Variants in MTSS1 observed in about 807,000 individuals in gnomAD.
The protein encoded by MTSS1 is protein MTSS 1.
In MTSS1, 18 loss-of-function variants were observed where a neutral mutation model predicts 79.0. That is an observed-to-expected ratio of 0.23 (90% CI 0.16 to 0.34). The LOEUF (loss-of-function observed/expected upper bound fraction) is 0.34, where lower values mean the gene tolerates loss of function less well. Ranked by LOEUF, MTSS1 falls within the 10% of genes least tolerant of loss-of-function variation. MTSS1 has a pLI of 1.00. For synonymous variants in MTSS1, 341 were observed against 368.6 expected (o/e 0.93, Z 0.86); for missense variants, 815 against 986.2 (o/e 0.83, Z 2.33).
chr8:124,574,466 C>T (rs915377788), intron 6 of MTSS1, among the ~76,000 whole-genome samples: 4 of 152,198 alleles, frequency 2.6e-5, no homozygotes, highest in Non-Finnish European at 5.9e-5. Flanking sequence ...AAGCCAGCCA[C>T]GGGCACAGCT....
At chr8:124,681,584 T>G (rs1826137054) in intron 3 of MTSS1, among the ~76,000 whole-genome samples, 1 of 152,118 alleles carries the variant, frequency 6.6e-6, no homozygotes, top group Admixed American at 6.5e-5. Flanking sequence ...GGTCAGGAGT[T>G]CAAGACCAGC....
chr8:124,608,456 G>A (rs1445613827), intron 3 of MTSS1, among the ~76,000 whole-genome samples: 5 of 152,120 alleles, frequency 3.3e-5, no homozygotes, highest in South Asian at 2.1e-4. Flanking sequence ...CGCCTCCTCC[G>A]ACAAGGTCAT....
chr8:124,616,307 G>C (rs934065272), intron 3 of MTSS1, among the ~76,000 whole-genome samples: 3 of 150,034 alleles, frequency 2.0e-5, no homozygotes, highest in Non-Finnish European at 4.4e-5. Context: ...CCTTGACCCA[G>C]GCATCTTCTC....
intron 3 of MTSS1, among the ~76,000 whole-genome samples, chr8:124,625,922 C>T (rs928602404): frequency 6.6e-6 from 1 of 152,210 alleles, no homozygotes; most frequent in Non-Finnish European, 1.5e-5. Context: ...TCTCCCTCCC[C>T]TCTCAGTTGG....
At chr8:124,612,352 C>A (rs1445968656) in intron 3 of MTSS1, among the ~76,000 whole-genome samples, 2 of 152,202 alleles carry the variant, frequency 1.3e-5, no homozygotes, top group East Asian at 1.9e-4. Flanking sequence ...ACTGCACATG[C>A]CCACAGGAAA....
At chr8:124,658,679 G>C (rs1220036238) in intron 3 of MTSS1, among the ~76,000 whole-genome samples, 1 of 152,134 alleles carries the variant, frequency 6.6e-6, no homozygotes, top group Non-Finnish European at 1.5e-5. Context: ...AGACAGAAGG[G>C]GGAGGTGCCA....
At position 124,551,811 on chromosome 8, in the gene MTSS1, T is replaced by G. The variant is rs779184807; in HGVS notation, c.*1181A>C. On this transcript the variant is annotated 3_prime_UTR_variant, in exon 14 of 14. Coordinates refer to ENST00000518547, the MANE Select transcript of MTSS1 (RefSeq NM_014751.6). ...CAGATTCCCAGTGACAATAAACAAATCCTCCTCTCTTCAATGTTTACTGTA... is the reference window on the plus strand; with the variant it reads ...CAGATTCCCAGTGACAATAAACAAAGCCTCCTCTCTTCAATGTTTACTGTA... The G allele has an allele frequency of 1.6e-4, 24 of 152,506 alleles. No individual in the cohort carries two copies. The highest frequency in any genetic ancestry group is 2.6e-4 in the Non-Finnish European group (18 of 68,014). The allele number at this position is 152,506 out of a possible 1,614,324, so 9.4% of individuals were successfully genotyped here. A position where few individuals can be genotyped will look rare whatever the true frequency, so the allele number is the denominator to read the frequency against.
chr8:124,558,164 T>G (rs193033906), intron 10 of MTSS1, among the ~76,000 whole-genome samples: 190 of 152,326 alleles, frequency 1.2e-3, no homozygotes, highest in Admixed American at 3.5e-3. Flanking sequence ...TGTCAATGGT[T>G]TTTGATAATG....
intron 6 of MTSS1, among the ~76,000 whole-genome samples, chr8:124,578,590 T>G (rs1370741224): frequency 7.1e-6 from 1 of 139,894 alleles, no homozygotes; most frequent in African/African-American, 2.7e-5. Context: ...AGGTCAGGAG[T>G]TCAAGACCAT....
intron 3 of MTSS1, among the ~76,000 whole-genome samples, chr8:124,640,007 GA>G (rs757608077): frequency 5.9e-5 from 9 of 152,328 alleles, no homozygotes; most frequent in Non-Finnish European, 1.2e-4. Context: ...CCTACTATGT[GA>G]AAGGTGCTTT....
At chr8:124,583,980 T>G (rs531639517) in intron 6 of MTSS1, among the ~76,000 whole-genome samples, 215 of 152,342 alleles carry the variant, frequency 1.4e-3, no homozygotes, top group African/African-American at 5.0e-3. Flanking sequence ...AAGAAACTGC[T>G]GGGGCCAATG....
intron 3 of MTSS1, among the ~76,000 whole-genome samples, chr8:124,657,489 A>G (rs1821177740): frequency 1.3e-5 from 2 of 151,924 alleles, no homozygotes; most frequent in Non-Finnish European, 1.5e-5. Flanking sequence ...AAAAAAAAAA[A>G]AAGAAGAGGA....
chr8:124,581,462 A>T (rs10105731), intron 6 of MTSS1, among the ~76,000 whole-genome samples: 8,330 of 86,364 alleles, frequency 0.096, 747 homozygotes, highest in African/African-American at 0.32. Flanking sequence ...GAATTTTTTT[A>T]TTTTTTTTTT....
intron 3 of MTSS1, among the ~76,000 whole-genome samples, chr8:124,604,311 C>A (rs1834434058): frequency 6.6e-6 from 1 of 152,136 alleles, no homozygotes. Context: ...TCCTGGGGCG[C>A]ATGGGGCCAA....
At chr8:124,716,923 A>G (rs1252659620) in intron 1 of MTSS1, among the ~76,000 whole-genome samples, 3 of 152,048 alleles carry the variant, frequency 2.0e-5, no homozygotes, top group Non-Finnish European at 4.4e-5. Context: ...AAGGATAAAA[A>G]GTCCTTCGGG....
chr8:124,667,030 T>C (rs149055748), intron 3 of MTSS1, among the ~76,000 whole-genome samples: 1 of 152,232 alleles, frequency 6.6e-6, no homozygotes, highest in East Asian at 1.9e-4. Context: ...TCTCACTAGT[T>C]ATATAAAAAG....
intron 3 of MTSS1, among the ~76,000 whole-genome samples, chr8:124,658,805 T>C (rs887615531): frequency 2.0e-5 from 3 of 152,024 alleles, no homozygotes; most frequent in Non-Finnish European, 2.9e-5. Context: ...CCAGGCCCCA[T>C]CTCCAACACT....
At position 124,551,930 on chromosome 8, in the gene MTSS1, C is replaced by T. The variant is rs1031874793; in HGVS notation, c.*1062G>A. The T allele has an allele frequency of 1.3e-5, 2 of 152,662 alleles. No individual in the cohort carries two copies. Among genetic ancestry groups the T allele is most frequent in the African/African-American group, 2.4e-5 (1 of 41,468 alleles). The allele number at this position is 152,662 out of a possible 1,614,324, so 9.5% of individuals were successfully genotyped here. Reference sequence around the variant, plus strand: ...GGCAAGTTGCTAGACTCCAAGCTGGCTACCCTTGTCAAATCTGTTCGAGTT... The same window carrying T: ...GGCAAGTTGCTAGACTCCAAGCTGGTTACCCTTGTCAAATCTGTTCGAGTT... On this transcript the variant is annotated 3_prime_UTR_variant, in exon 14 of 14. Coordinates refer to ENST00000518547, the MANE Select transcript of MTSS1 (RefSeq NM_014751.6).
chr8:124,589,735 A>C (rs1480064012), intron 4 of MTSS1, 24 bp from the exon 5 acceptor site: 3 of 1,473,750 alleles, frequency 2.0e-6, no homozygotes, highest in African/African-American at 1.4e-5. Context: ...GGGGGGAAAA[A>C]GGGAGAAATT....
Sources: allele counts gnomAD v4.1 joint callset (sites outside exome capture counted in the v4.1 genomes callset), GRCh38; gene constraint gnomAD v4.1.1; transcripts MANE v1.5; gene names NCBI Gene and HGNC (gene_info 2026-07-23, HGNC 2026-07-21).